Variants in RUNX1T1 observed in about 807,000 individuals in gnomAD.
The protein encoded by RUNX1T1 is protein CBFA2T1.
Under a neutral mutation model 62.8 loss-of-function variants are expected in RUNX1T1, and 4 were observed. The observed-to-expected ratio is 0.06, with a 90% CI of 0.03 to 0.15. The LOEUF (loss-of-function observed/expected upper bound fraction) is 0.15, where lower values mean the gene tolerates loss of function less well. RUNX1T1 is among the 10% of genes least tolerant of loss of function. The pLI is 1.00. For missense variants in RUNX1T1, 508 were observed against 754.3 expected (o/e 0.67, Z 3.82); for synonymous variants, 291 against 286.0 (o/e 1.02, Z -0.18).
At chr8:91,984,732 T>C (rs1246468079) in intron 8 of RUNX1T1, among the ~76,000 whole-genome samples, 2 of 152,208 alleles carry the variant, frequency 1.3e-5, no homozygotes, top group African/African-American at 2.4e-5. Context: ...TCAATTTTTG[T>C]TCATAATAAG....
rs1240924423 is a variant in RUNX1T1 at position 91,960,124 on chromosome 8, A to G, written c.*118T>C. ...GGTTCTCTCTTGCTGAAGTACTGAA[A>G]TAGGATAATTCATCTAATAAACAAA... On this transcript the variant is annotated 3_prime_UTR_variant, in exon 11 of 11. Coordinates refer to ENST00000396218, the Ensembl canonical transcript of RUNX1T1. The G allele has an allele frequency of 2.8e-6, 3 of 1,072,022 alleles. No homozygotes were observed. In the African/African-American group the frequency reaches 4.8e-5, roughly 17 times the overall value. 66.4% of individuals were successfully genotyped at this position (1,072,022 alleles called of 1,614,324 possible).
chr8:92,038,821 G>C (rs1827889570), intron 1 of RUNX1T1, among the ~76,000 whole-genome samples: 1 of 152,132 alleles, frequency 6.6e-6, no homozygotes, highest in South Asian at 2.1e-4. Flanking sequence ...TCTAGGCTCA[G>C]AAGAGGCACC....
At chr8:92,056,689 A>G (rs1831095940) in intron 1 of RUNX1T1, among the ~76,000 whole-genome samples, 1 of 152,116 alleles carries the variant, frequency 6.6e-6, no homozygotes, top group African/African-American at 2.4e-5. Flanking sequence ...TCTACTGGAA[A>G]CACTGTGCCT....
At chr8:92,059,761 A>C (rs1831602293) in intron 1 of RUNX1T1, among the ~76,000 whole-genome samples, 1 of 152,208 alleles carries the variant, frequency 6.6e-6, no homozygotes, top group Non-Finnish European at 1.5e-5. Flanking sequence ...CAATTTATGA[A>C]ATGCACTCCA....
intron 1 of RUNX1T1, among the ~76,000 whole-genome samples, chr8:92,036,901 T>C (rs549248507): frequency 4.1e-4 from 63 of 152,324 alleles, no homozygotes; most frequent in Non-Finnish European, 8.5e-4. Flanking sequence ...ACTCTTATAT[T>C]GTTCCCTAGC....
intron 10 of RUNX1T1, 35 bp from the exon 12 acceptor site, chr8:91,960,552 G>C (rs2977676): frequency 6.2e-7 from 1 of 1,606,980 alleles, no homozygotes; most frequent in Non-Finnish European, 8.5e-7. Flanking sequence ...AAGATCCCAA[G>C]TTAATACACT....
intron 1 of RUNX1T1, among the ~76,000 whole-genome samples, chr8:92,043,705 GGT>G: frequency 6.6e-6 from 1 of 151,990 alleles, no homozygotes. Flanking sequence ...AGCCGGGTGC[GGT>G]GGCTCACACC....
downstream of RUNX1T1, chr8:91,957,526 C>A: frequency 4.3e-6 from 1 of 231,920 alleles, no homozygotes; most frequent in Non-Finnish European, 8.5e-6. Flanking sequence ...TGTTTTCACT[C>A]AGGGTGCCCT....
At chr8:92,001,980 G>A (rs899014506) in intron 5 of RUNX1T1, among the ~76,000 whole-genome samples, 1 of 152,116 alleles carries the variant, frequency 6.6e-6, no homozygotes, top group Non-Finnish European at 1.5e-5. Context: ...TTTAAAGAGG[G>A]CTCTTAGCTT....
chr8:91,989,785 T>A (rs924885663), intron 6 of RUNX1T1, among the ~76,000 whole-genome samples: 3 of 152,202 alleles, frequency 2.0e-5, no homozygotes, highest in Admixed American at 6.5e-5. Flanking sequence ...GGAGTTGTTA[T>A]CACATTTGAT....
At chr8:92,059,355 G>C (rs906743620) in intron 1 of RUNX1T1, among the ~76,000 whole-genome samples, 2 of 152,150 alleles carry the variant, frequency 1.3e-5, no homozygotes, top group African/African-American at 4.8e-5. Context: ...CAAATGTTCA[G>C]TTACTAGGGA....
At chr8:91,984,292 T>C (rs1298675677) in intron 8 of RUNX1T1, among the ~76,000 whole-genome samples, 1 of 152,190 alleles carries the variant, frequency 6.6e-6, no homozygotes, top group East Asian at 1.9e-4. Context: ...GTAGTAGTAG[T>C]GACTATACAC....
At chr8:92,071,564 T>C (rs766482866) in intron 2 of RUNX1T1, among the ~76,000 whole-genome samples, 15 of 152,120 alleles carry the variant, frequency 9.9e-5, no homozygotes, top group Admixed American at 2.6e-4. Flanking sequence ...GGACACAGCA[T>C]TGGCAGGAAC....
intron 4 of RUNX1T1, chr8:92,010,310 C>A (rs1173126425): frequency 6.6e-6 from 1 of 152,228 alleles, no homozygotes; most frequent in Non-Finnish European, 1.5e-5. Flanking sequence ...AATATGCTTA[C>A]CCAAGTAAAA....
At chr8:92,006,277 GT>G (rs1283376886) in intron 4 of RUNX1T1, 2 of 152,074 alleles carry the variant, frequency 1.3e-5, no homozygotes, top group Non-Finnish European at 1.5e-5. Context: ...TTTTATTATT[GT>G]TTGGGGAGGG....
rs115644802 is a variant in RUNX1T1 at position 91,962,208 on chromosome 8, G to A, written c.1459-1691C>T. ...ACTTTTAGAAAGAGCCCAGCTCCAC[G>A]TTCTTATTTCTTTAACCATCAGACA... On this transcript the variant is annotated intron_variant, in intron 10 of 10. Transcript: ENST00000396218. 7.2e-3 allele frequency among the ~76,000 whole-genome samples: 1,094 copies of A among 152,280 alleles called. 13 individuals carry two copies. The highest frequency in any genetic ancestry group is 0.024 in the African/African-American group (1,014 of 41,566).
At chr8:92,066,043 G>A (rs1312967731), upstream of RUNX1T1, among the ~76,000 whole-genome samples, 1 of 152,180 alleles carries the variant, frequency 6.6e-6, no homozygotes, top group African/African-American at 2.4e-5. Context: ...CATTTAAGCA[G>A]GGCTGCATTA....
intron 10 of RUNX1T1, among the ~76,000 whole-genome samples, chr8:91,964,201 A>G (rs1353977624): frequency 6.6e-6 from 1 of 152,196 alleles, no homozygotes; most frequent in Non-Finnish European, 1.5e-5. Flanking sequence ...GTTTCAAATC[A>G]GCATTTCTCT....
At chr8:92,004,154 G>T (rs1171478246) in intron 5 of RUNX1T1, among the ~76,000 whole-genome samples, 1 of 152,226 alleles carries the variant, frequency 6.6e-6, no homozygotes, top group Non-Finnish European at 1.5e-5. Flanking sequence ...AAGCTCCTAT[G>T]AATGTGGAAC....
Sources: allele counts gnomAD v4.1 joint callset (sites outside exome capture counted in the v4.1 genomes callset), GRCh38; gene constraint gnomAD v4.1.1; transcripts MANE v1.5; gene names NCBI Gene and HGNC (gene_info 2026-07-23, HGNC 2026-07-21).